TULP4: variants seen among roughly 807,000 people sequenced by gnomAD.
The protein encoded by TULP4 is TUB like protein 4.
A neutral mutation model predicts 129.0 loss-of-function variants in TULP4; 16 were observed. That is an observed-to-expected ratio of 0.12 (90% CI 0.08 to 0.19). The LOEUF (loss-of-function observed/expected upper bound fraction) is 0.19. Ranked by LOEUF, TULP4 falls within the 10% of genes least tolerant of loss-of-function variation. The pLI is 1.00. For synonymous variants in TULP4, 998 were observed against 854.0 expected (o/e 1.17, Z -2.94); for missense variants, 1,842 against 2,059.1 (o/e 0.89, Z 2.04).
chr6:158,325,505 A>T (rs1352749372), intron 1 of TULP4, among the ~76,000 whole-genome samples: 1 of 151,584 alleles, frequency 6.6e-6, no homozygotes, highest in African/African-American at 2.4e-5. Context: ...GGCACCTATC[A>T]CCACGCCTGG....
Position 158,508,888 on chromosome 6 carries a change from T to G in TULP4, c.*2194T>G, listed in dbSNP as rs1582891259. ...AGGATATGATAGAAGGTTTTTTTTT[T>G]TTTTTTTTTTTTTTTTTGAGACGGA... On this transcript the variant is annotated 3_prime_UTR_variant, in exon 14 of 14. Transcript: ENST00000367097. The G allele has an allele frequency of 3.7e-5, 5 of 136,110 alleles. No homozygotes were observed. The highest frequency in any genetic ancestry group is 5.6e-5 in the African/African-American group (2 of 35,742). The allele number at this position is 136,110 out of a possible 1,614,324, so 8.4% of individuals were successfully genotyped here.
chr6:158,328,235 C>A (rs564215917), intron 1 of TULP4, among the ~76,000 whole-genome samples: 1 of 151,832 alleles, frequency 6.6e-6, no homozygotes, highest in East Asian at 1.9e-4. Context: ...CAGACACCAT[C>A]CTAAGTGCTA....
At chr6:158,455,741 A>AC (rs1779279254) in intron 5 of TULP4, among the ~76,000 whole-genome samples, 1 of 152,026 alleles carries the variant, frequency 6.6e-6, no homozygotes. Flanking sequence ...CGTCTCAAAA[A>AC]AAAAAAAAAA....
intron 2 of TULP4, among the ~76,000 whole-genome samples, chr6:158,418,399 C>CATTTTTTT (rs1778263456): frequency 7.8e-6 from 1 of 127,488 alleles, no homozygotes; most frequent in Non-Finnish European, 1.7e-5. Context: ...TGAGCCACCA[C>CATTTTTTT]TTTTTTTTTT....
At chr6:158,244,164 G>A (rs570556883) in intron 1 of TULP4, among the ~76,000 whole-genome samples, 2 of 152,128 alleles carry the variant, frequency 1.3e-5, no homozygotes, top group South Asian at 4.2e-4. Context: ...GCTTATTTAG[G>A]CTGGCACCTG....
At chr6:158,425,564 G>A (rs11753797) in intron 2 of TULP4, among the ~76,000 whole-genome samples, 35,078 of 147,024 alleles carry the variant, frequency 0.24, 5,457 homozygotes, top group Middle Eastern at 0.35. Context: ...GTAAAATGAC[G>A]TAACCACTTA....
At chr6:158,453,788 C>T (rs1220192502) in intron 5 of TULP4, among the ~76,000 whole-genome samples, 3 of 81,014 alleles carry the variant, frequency 3.7e-5, no homozygotes, top group Non-Finnish European at 6.5e-5. Context: ...GACTCTGTCT[C>T]GGAAAAAAAA....
intron 1 of TULP4, among the ~76,000 whole-genome samples, chr6:158,337,986 C>G (rs921171441): frequency 3.3e-5 from 5 of 152,146 alleles, no homozygotes; most frequent in African/African-American, 9.7e-5. Context: ...TTCACCCAAC[C>G]TGTCTCCACC....
At chr6:158,386,528 C>T (rs1311426618) in intron 1 of TULP4, among the ~76,000 whole-genome samples, 1 of 152,234 alleles carries the variant, frequency 6.6e-6, no homozygotes, top group East Asian at 1.9e-4. Context: ...TTTCTTTTTA[C>T]TCCTTACTAT....
chr6:158,327,634 C>G (rs1779773345), intron 1 of TULP4, among the ~76,000 whole-genome samples: 1 of 151,858 alleles, frequency 6.6e-6, no homozygotes, highest in Non-Finnish European at 1.5e-5. Context: ...ACTATATTTT[C>G]TCATACTTCT....
intron 1 of TULP4, among the ~76,000 whole-genome samples, chr6:158,275,709 T>C (rs572637561): frequency 2.6e-4 from 40 of 152,296 alleles, no homozygotes; most frequent in African/African-American, 9.4e-4. Flanking sequence ...TTATGAGAAT[T>C]TCTGTAGTAA....
At chr6:158,411,125 T>TG (rs1778089320) in intron 1 of TULP4, among the ~76,000 whole-genome samples, 2 of 78,254 alleles carry the variant, frequency 2.6e-5, no homozygotes, top group South Asian at 6.8e-4. Flanking sequence ...TAGGTAAAAG[T>TG]GAAAAAAAAA....
intron 1 of TULP4, among the ~76,000 whole-genome samples, chr6:158,337,037 T>C (rs796435579): frequency 2.3e-4 from 1 of 4,338 alleles, no homozygotes; most frequent in Non-Finnish European, 8.2e-4. Context: ...TTCTTTCTTT[T>C]TCTTTCTTTC....
chr6:158,480,932 C>G, intron 7 of TULP4, 123 bp from the exon 8 acceptor site: 1 of 829,534 alleles, frequency 1.2e-6, no homozygotes, highest in Middle Eastern at 3.0e-4. Context: ...CCCCAGGCCC[C>G]CAGCCTGTGC....
At chr6:158,480,400 G>A (rs987668978) in intron 7 of TULP4, among the ~76,000 whole-genome samples, 2 of 152,244 alleles carry the variant, frequency 1.3e-5, no homozygotes, top group South Asian at 4.1e-4. Context: ...TCCCTAGCTG[G>A]TTAGGGGGAC....
intron 1 of TULP4, among the ~76,000 whole-genome samples, chr6:158,392,331 G>C (rs539305840): frequency 1.3e-5 from 2 of 152,132 alleles, no homozygotes; most frequent in East Asian, 3.8e-4. Flanking sequence ...CCCACAACAC[G>C]TGGGAATTCA....
At chr6:158,412,297 G>A (rs890180994) in intron 1 of TULP4, among the ~76,000 whole-genome samples, 5 of 152,188 alleles carry the variant, frequency 3.3e-5, no homozygotes, top group Admixed American at 1.3e-4. Flanking sequence ...TTGGTTTGGT[G>A]GCTCATGGTG....
intron 1 of TULP4, among the ~76,000 whole-genome samples, chr6:158,289,929 G>A (rs773549840): frequency 6.6e-6 from 1 of 152,040 alleles, no homozygotes; most frequent in Non-Finnish European, 1.5e-5. Context: ...TACCACCTTT[G>A]CTATAGCCAA....
intron 1 of TULP4, among the ~76,000 whole-genome samples, chr6:158,315,974 A>G (rs1256754941): frequency 1.3e-5 from 2 of 152,224 alleles, no homozygotes; most frequent in Non-Finnish European, 2.9e-5. Context: ...AAACATTCAG[A>G]TCCTAGCACG....
Sources: gnomAD v4.1 joint callset for allele counts (sites outside exome capture counted in the v4.1 genomes callset) on GRCh38, gnomAD v4.1.1 for gene constraint, MANE v1.5 for transcripts, NCBI Gene and HGNC (gene_info 2026-07-23, HGNC 2026-07-21) for gene names.